PHC2: variants seen among roughly 807,000 people sequenced by gnomAD.
The protein encoded by PHC2 is polyhomeotic-like protein 2.
Under a neutral mutation model 87.4 loss-of-function variants are expected in PHC2, and 29 were observed. The observed-to-expected ratio is 0.33, with a 90% CI of 0.25 to 0.45. The LOEUF is 0.45. Ranked by LOEUF, PHC2 falls within the 20% of genes least tolerant of loss-of-function variation. The probability of loss-of-function intolerance (pLI) is 1.00; values close to 1 mark genes in which losing one functional copy is unlikely to be tolerated. For missense variants in PHC2, 857 were observed against 1,136.7 expected (o/e 0.75, Z 3.54); for synonymous variants, 438 against 461.7 (o/e 0.95, Z 0.66).
At position 33,329,045 on chromosome 1, in the gene PHC2, G is replaced by A. The variant is rs562128642; in HGVS notation, c.2250C>T (p.Pro750=). The A allele has an allele frequency of 1.9e-6, 3 of 1,614,202 alleles. No individual in the cohort carries two copies. The highest frequency in any genetic ancestry group is 1.7e-5 in the Admixed American group (1 of 60,036). ...RCSDNSSYEE[P]LSPISASSST... Reference sequence around the variant, plus strand: ...ATGAGCTGGCTGAGATGGGTGACAAGGGTTCCTCATAGCTTGAGTTATCTG... The same window carrying A: ...ATGAGCTGGCTGAGATGGGTGACAAAGGTTCCTCATAGCTTGAGTTATCTG... Residue 750 remains proline, a synonymous_variant, in exon 14 of 15, where the codon CCC becomes CCT. Transcript: ENST00000683057.
chr1:33,368,114 T>C lies in PHC2; in HGVS notation c.663+422A>G, dbSNP rs766218931. On this transcript the variant is annotated intron_variant, in intron 6 of 14. Transcript: ENST00000683057. This position sits in a 1 kb window ranked among gnomAD's most constrained non-coding sequence, Gnocchi z 6.6. ...AGCCACGGTAGTATCTGTGCGCTCC[T>C]AGCAGAGCAGGACACGTCTCTGCTC... Among the ~76,000 whole-genome samples, 1 of 152,202 alleles carries C rather than the reference T, an allele frequency of 6.6e-6. No homozygotes were observed. The highest frequency in any genetic ancestry group is 1.5e-5 in the Non-Finnish European group (1 of 68,032).
chr1:33,338,939 C>G (rs1392432782), intron 9 of PHC2, among the ~76,000 whole-genome samples: 1 of 152,172 alleles, frequency 6.6e-6, no homozygotes, highest in Non-Finnish European at 1.5e-5. Flanking sequence ...CCAAGTATTC[C>G]GGTCAGAATG....
intron 1 of PHC2, among the ~76,000 whole-genome samples, chr1:33,422,804 G>T (rs943361696): frequency 2.0e-5 from 3 of 151,912 alleles, no homozygotes; most frequent in Non-Finnish European, 4.4e-5. Context: ...TTAAGAATGA[G>T]AATAGTCTGA....
intron 9 of PHC2, chr1:33,350,391 C>G (rs1646947446): frequency 1.3e-5 from 2 of 152,296 alleles, no homozygotes; most frequent in Non-Finnish European, 2.9e-5. Flanking sequence ...GCGGTTGAGG[C>G]TGATTGAGGA....
chr1:33,392,091 C>T (rs896360950), intron 1 of PHC2, among the ~76,000 whole-genome samples: 1 of 152,120 alleles, frequency 6.6e-6, no homozygotes, highest in African/African-American at 2.4e-5. Flanking sequence ...GTGTACTTGC[C>T]AGGGCTCTGC....
rs570004362 is a variant in PHC2 at position 33,370,259 on chromosome 1, G to C, written c.576+162C>G. Reference sequence around the variant, plus strand: ...CATGACTCTTCGAGGCTGTACCAAAGCTCCCACTCAGCCTTCCAGGCCCCC... The same window carrying C: ...CATGACTCTTCGAGGCTGTACCAAACCTCCCACTCAGCCTTCCAGGCCCCC... On this transcript the variant is annotated intron_variant, in intron 5 of 14. Transcript: ENST00000683057. Among the ~76,000 whole-genome samples, 28 of 152,206 alleles carry C rather than the reference G, an allele frequency of 1.8e-4. No homozygotes were observed. In the South Asian group the frequency reaches 1.9e-3, roughly 10 times the overall value.
chr1:33,399,460 C>T (rs551162669), intron 1 of PHC2, among the ~76,000 whole-genome samples: 25 of 152,280 alleles, frequency 1.6e-4, no homozygotes, highest in African/African-American at 5.1e-4. Flanking sequence ...CTTGGCTCCA[C>T]GTTTTCCTGT....
At chr1:33,327,886 A>G in intron 14 of PHC2, among the ~76,000 whole-genome samples, 1 of 152,220 alleles carries the variant, frequency 6.6e-6, no homozygotes, top group East Asian at 1.9e-4. Context: ...ACCTCATAAG[A>G]CACCTGAGGC....
At chr1:33,422,263 A>C (rs147702668) in intron 1 of PHC2, among the ~76,000 whole-genome samples, 17 of 140,466 alleles carry the variant, frequency 1.2e-4, no homozygotes, top group African/African-American at 5.1e-4. Flanking sequence ...TAATGTTTCC[A>C]TGTCTTTCTT....
chr1:33,392,173 A>G (rs1430226011), intron 1 of PHC2, among the ~76,000 whole-genome samples: 1 of 151,956 alleles, frequency 6.6e-6, no homozygotes, highest in African/African-American at 2.4e-5. Flanking sequence ...ACGTGCACAC[A>G]CACACACACA....
intron 9 of PHC2, among the ~76,000 whole-genome samples, chr1:33,340,855 C>T (rs1646730221): frequency 6.8e-6 from 1 of 146,776 alleles, no homozygotes; most frequent in Non-Finnish European, 1.5e-5. Flanking sequence ...CAGTCATTCA[C>T]ACTTTACTGT....
At chr1:33,419,901 G>GTGAT (rs1650365054) in intron 1 of PHC2, among the ~76,000 whole-genome samples, 1 of 150,664 alleles carries the variant, frequency 6.6e-6, no homozygotes, top group South Asian at 2.1e-4. Context: ...GAGCCACCGC[G>GTGAT]CCCGGCCACC....
chr1:33,375,228 TG>T (rs1283757536), intron 2 of PHC2, 137 bp downstream of exon 2: 1 of 659,738 alleles, frequency 1.5e-6, no homozygotes, highest in African/African-American at 1.8e-5. Context: ...TACACAAATG[TG>T]TATCTACGAA....
intron 1 of PHC2, among the ~76,000 whole-genome samples, chr1:33,423,107 C>T (rs902202031): frequency 5.3e-5 from 8 of 152,096 alleles, no homozygotes; most frequent in Admixed American, 3.3e-4. Flanking sequence ...GCTGGAACCC[C>T]AGCATTATGG....
chr1:33,409,111 T>G (rs1225059328), intron 1 of PHC2, among the ~76,000 whole-genome samples: 1 of 152,208 alleles, frequency 6.6e-6, no homozygotes, highest in Non-Finnish European at 1.5e-5. Context: ...GAAAGACATA[T>G]AAATTGGGGT....
intron 1 of PHC2, among the ~76,000 whole-genome samples, chr1:33,377,420 C>A (rs1648242777): frequency 6.6e-6 from 1 of 152,100 alleles, no homozygotes; most frequent in Non-Finnish European, 1.5e-5. Flanking sequence ...ATCCTATGGT[C>A]TGAATACAGA....
chr1:33,391,970 A>G (rs1291527782), intron 1 of PHC2, among the ~76,000 whole-genome samples: 1 of 152,194 alleles, frequency 6.6e-6, no homozygotes, highest in Non-Finnish European at 1.5e-5. Flanking sequence ...GGAAGGCAAG[A>G]TAAGGGAGGT....
chr1:33,418,557 C>A (rs1285973304), intron 1 of PHC2, among the ~76,000 whole-genome samples: 1 of 152,044 alleles, frequency 6.6e-6, no homozygotes, highest in Admixed American at 6.6e-5. Flanking sequence ...TATAGATAAC[C>A]TGAATAGCCC....
chr1:33,329,256 G>A, intron 13 of PHC2, 110 bp from the exon 14 acceptor site: 1 of 1,042,934 alleles, frequency 9.6e-7, no homozygotes, highest in Non-Finnish European at 1.4e-6. Flanking sequence ...CTACACATCT[G>A]AGTTCCCAGA....
Sources: allele counts gnomAD v4.1 joint callset (sites outside exome capture counted in the v4.1 genomes callset), GRCh38; gene constraint gnomAD v4.1.1; non-coding constraint Gnocchi (gnomAD v3.1); transcripts MANE v1.5; gene names NCBI Gene and HGNC (gene_info 2026-07-23, HGNC 2026-07-21).